The following ZNF184 variants were observed in gnomAD, a reference collection of about 807,000 sequenced individuals.
ZNF184 encodes zinc finger protein 184, also known as zinc finger protein 184 (Kruppel-like).
ZNF184 carries 16 observed loss-of-function variants against 54.4 expected under a neutral mutation model. The ratio of observed to expected loss-of-function variants is 0.29; its 90% confidence interval spans 0.20 to 0.45. The LOEUF (loss-of-function observed/expected upper bound fraction) is 0.45. Ranked by LOEUF, ZNF184 falls within the 20% of genes least tolerant of loss-of-function variation. The probability of loss-of-function intolerance (pLI) is 1.00; values close to 1 mark genes in which losing one functional copy is unlikely to be tolerated. For synonymous variants in ZNF184, 254 were observed against 295.3 expected (o/e 0.86, Z 1.43); for missense variants, 681 against 888.2 (o/e 0.77, Z 2.97).
Position 27,451,293 on chromosome 6 carries a change from C to T in ZNF184, c.*10G>A, listed in dbSNP as rs1323529729. On this transcript the variant is annotated 3_prime_UTR_variant, in exon 6 of 6. Coordinates refer to ENST00000683788, the MANE Select transcript of ZNF184 (RefSeq NM_001318891.2). ...ATATCTCCCCTAAATTTATGATGTT[C>T]CTAGAATTGTCATATGCCAGGATGC... 1 of 1,570,626 alleles carries T rather than the reference C, an allele frequency of 6.4e-7. No homozygotes were observed. Among genetic ancestry groups the T allele is most frequent in the Non-Finnish European group, 8.6e-7 (1 of 1,159,818 alleles).
chr6:27,453,850 G>A lies in ZNF184; in HGVS notation c.299-590C>T, dbSNP rs1376296846. ...AAATGGAGAGCTGGACTATAGTAGC[G>A]TTTGTGGAAGTGAAAGATGCCAACA... On this transcript the variant is annotated intron_variant, in intron 5 of 5. Transcript: ENST00000683788. This position sits in a 1 kb window ranked among gnomAD's most constrained non-coding sequence, Gnocchi z 4.7. Among the ~76,000 whole-genome samples the A allele has an allele frequency of 6.6e-6, 1 of 152,182 alleles. No individual in the cohort carries two copies. The highest frequency in any genetic ancestry group is 6.5e-5 in the Admixed American group (1 of 15,276).
the ZNF184 span, among the ~76,000 whole-genome samples, chr6:27,432,296 G>C: frequency 1.3e-5 from 2 of 152,214 alleles, no homozygotes; most frequent in African/African-American, 4.8e-5. The surrounding 1 kb of genome is among the most constrained non-coding windows in gnomAD (Gnocchi z 4.0). Flanking sequence ...TGGATTTGTA[G>C]CAAGTGTGAA....
chr6:27,451,334 T>A lies in ZNF184; in HGVS notation c.2225A>T (p.Asn742Ile), dbSNP rs1193915545. 1 of 1,610,084 alleles carries A rather than the reference T, an allele frequency of 6.2e-7. No individual in the cohort carries two copies. Residue 742 changes from asparagine (N) to isoleucine (I), a missense_variant, in exon 6 of 6, where the codon AAC becomes ATC. Asn to Ile is a moderately radical substitution (Grantham distance 149). Transcript: ENST00000683788. ...GCCAGGATGCAGTCTCTGATGTTTG[T>A]TGAGAGCAGAGCGATATCTGAAGGA... is the stretch of plus-strand genomic sequence containing the variant. Reference protein sequence around the residue: ...GKSFRYRSALNKHQRLHPGI With the variant: ...GKSFRYRSALIKHQRLHPGI
At chr6:27,414,584 G>A in the ZNF184 span, among the ~76,000 whole-genome samples, 2 of 151,826 alleles carry the variant, frequency 1.3e-5, no homozygotes, top group Non-Finnish European at 2.9e-5. Flanking sequence ...TGCTTGCAGG[G>A]CTTTTGCTCA....
At chr6:27,444,417 C>T in the ZNF184 span, among the ~76,000 whole-genome samples, 2 of 152,096 alleles carry the variant, frequency 1.3e-5, no homozygotes, top group African/African-American at 4.8e-5. Context: ...TCTGAATTGT[C>T]AGTTTTTTTC....
the ZNF184 span, chr6:27,407,900 T>G: frequency 2.1e-6 from 2 of 942,400 alleles, no homozygotes; most frequent in Non-Finnish European, 3.5e-6. Context: ...TGAGTGAAGA[T>G]GAGCTGATTA....
Position 27,472,178 on chromosome 6 carries a change from A to C in ZNF184, c.7+110T>G, listed in dbSNP as rs898686689. 5.5e-6 allele frequency: 8 copies of C among 1,454,514 alleles called. No homozygotes were observed. In the Admixed American group the frequency reaches 1.1e-4, roughly 20 times the overall value. 90.1% of individuals were successfully genotyped at this position (1,454,514 alleles called of 1,614,324 possible). ...GGTTTCTTTGCTAATCCCTAAGCAT[A>C]CCGTTCCTTCCTTCCAAATCTCCTG... On this transcript the variant is annotated intron_variant, in intron 2 of 5. Transcript: ENST00000683788. The surrounding 1 kb of genome is among the most constrained non-coding windows in gnomAD (Gnocchi z 4.8).
At chr6:27,464,759 G>A (rs9468134) in intron 3 of ZNF184, among the ~76,000 whole-genome samples, 25,101 of 151,936 alleles carry the variant, frequency 0.17, 3,720 homozygotes, top group African/African-American at 0.4. Flanking sequence ...GTTCATGCCT[G>A]TAATCCCAGC....
In ZNF184 at chr6:27,472,375, AG is replaced by A. The variant is rs1763299172; in HGVS notation, c.-82del. The A allele has an allele frequency of 1.9e-6, 3 of 1,589,092 alleles. No homozygotes were observed. Among genetic ancestry groups the A allele is most frequent in the South Asian group, 2.2e-5 (2 of 89,776 alleles). On this transcript the variant is annotated 5_prime_UTR_variant, in exon 2 of 6. Transcript: ENST00000683788. This position sits in a 1 kb window ranked among gnomAD's most constrained non-coding sequence, Gnocchi z 4.8. The stretch of plus-strand genomic sequence containing the variant: ...GTTCCTTCAGCTGGTATCTCGGTCT[AG>A]GACTCAGATGTCTAACTCCCCTTGC...
At chr6:27,459,860 T>C (rs574767112) in intron 3 of ZNF184, among the ~76,000 whole-genome samples, 58 of 152,306 alleles carry the variant, frequency 3.8e-4, no homozygotes, top group South Asian at 1.5e-3. Context: ...TACGTACTCA[T>C]TAGAAAATAT....
the ZNF184 span, among the ~76,000 whole-genome samples, chr6:27,412,290 T>C: frequency 1.3e-5 from 2 of 152,148 alleles, no homozygotes; most frequent in Admixed American, 6.5e-5. Context: ...ATCAGCGAGG[T>C]GAAGCAAATG....
chr6:27,407,878 A>G, the ZNF184 span: 7 of 825,362 alleles, frequency 8.5e-6, no homozygotes, highest in Non-Finnish European at 8.7e-6. Flanking sequence ...GGGAGTGAAC[A>G]GGCACCACTA....
At chr6:27,455,924 A>C (rs1762842491) in intron 5 of ZNF184, among the ~76,000 whole-genome samples, 1 of 152,174 alleles carries the variant, frequency 6.6e-6, no homozygotes, top group African/African-American at 2.4e-5. Flanking sequence ...ATTTAGAAGA[A>C]AGTTATTCAT....
intron 3 of ZNF184, 47 bp from the exon 4 acceptor site, chr6:27,457,456 G>A (rs1762886727): frequency 6.2e-7 from 1 of 1,604,436 alleles, no homozygotes; most frequent in Non-Finnish European, 8.5e-7. Context: ...ATTTACTTAG[G>A]AAAGGGGTAA....
At chr6:27,408,089 A>C in the ZNF184 span, 1 of 754,482 alleles carries the variant, frequency 1.3e-6, no homozygotes, top group African/African-American at 1.7e-5. Context: ...ATTTCTAACT[A>C]CTGCTGCAGC....
At chr6:27,443,431 C>A in the ZNF184 span, among the ~76,000 whole-genome samples, 1 of 152,246 alleles carries the variant, frequency 6.6e-6, no homozygotes, top group African/African-American at 2.4e-5. Flanking sequence ...ACCTTCCTCA[C>A]ACTTCCCATG....
chr6:27,423,931 T>G, the ZNF184 span, among the ~76,000 whole-genome samples: 3 of 152,206 alleles, frequency 2.0e-5, no homozygotes, highest in African/African-American at 7.2e-5. Context: ...AATGCTTGAG[T>G]CTGCTCTTGT....
chr6:27,440,528 G>A, the ZNF184 span, among the ~76,000 whole-genome samples: 8 of 152,048 alleles, frequency 5.3e-5, no homozygotes, highest in Non-Finnish European at 1.0e-4. Context: ...CAATCCTCTG[G>A]TATACTGACA....
intron 3 of ZNF184, among the ~76,000 whole-genome samples, chr6:27,465,036 A>AAAAAAAAAAAAAAAG (rs1763093159): frequency 6.7e-6 from 1 of 148,908 alleles, no homozygotes; most frequent in African/African-American, 2.5e-5. Context: ...AAAAAAAAAA[A>AAAAAAAAAAAAAAAG]ATAGAGCTTC....
Sources: allele counts gnomAD v4.1 joint callset (sites outside exome capture counted in the v4.1 genomes callset), GRCh38; gene constraint gnomAD v4.1.1; non-coding constraint Gnocchi (gnomAD v3.1); transcripts MANE v1.5; gene names NCBI Gene and HGNC (gene_info 2026-07-23, HGNC 2026-07-21).